SMYD3: variants seen among roughly 807,000 people sequenced by gnomAD.
SMYD3 encodes SET and MYND domain containing 3.
SMYD3 carries 36 observed loss-of-function variants against 57.7 expected under a neutral mutation model. The observed-to-expected ratio is 0.62, with a 90% CI of 0.48 to 0.82. The LOEUF (loss-of-function observed/expected upper bound fraction) is 0.82. Among genes scored for constraint, SMYD3 ranks in the 40% least tolerant of loss-of-function variants. The probability of loss-of-function intolerance (pLI) is 0.00; values close to 1 mark genes in which losing one functional copy is unlikely to be tolerated. For synonymous variants in SMYD3, 211 were observed against 195.0 expected (o/e 1.08, Z -0.68); for missense variants, 515 against 538.8 (o/e 0.96, Z 0.44).
At chr1:246,420,036 TAA>T (rs1205363262) in intron 1 of SMYD3, among the ~76,000 whole-genome samples, 1 of 152,080 alleles carries the variant, frequency 6.6e-6, no homozygotes, top group African/African-American at 2.4e-5. Context: ...CCGTCTCTAT[TAA>T]AAATATAAAA....
At chr1:246,243,327 T>C (rs1378225460) in intron 5 of SMYD3, among the ~76,000 whole-genome samples, 1 of 142,976 alleles carries the variant, frequency 7.0e-6, no homozygotes, top group Non-Finnish European at 1.5e-5. Flanking sequence ...GGTATATATA[T>C]ATTTTCTATG....
In SMYD3 at chr1:246,328,066, C is replaced by T. The variant is rs550542550; in HGVS notation, c.395-729G>A. On this transcript the variant is annotated intron_variant, in intron 4 of 11. Transcript: ENST00000490107. ...AAAATCAGCAGGGCGTGGTGGTGTG[C>T]GCCTGTAATCCCAGCTACTCGGGAG... Among the ~76,000 whole-genome samples the T allele has an allele frequency of 7.9e-5, 12 of 152,098 alleles. No homozygotes were observed. In the South Asian group the frequency reaches 1.0e-3, roughly 13 times the overall value.
intron 5 of SMYD3, among the ~76,000 whole-genome samples, chr1:246,258,910 T>C (rs945792702): frequency 2.0e-5 from 3 of 152,226 alleles, no homozygotes; most frequent in Non-Finnish European, 4.4e-5. Context: ...CTGTTTATTT[T>C]ATTAAATTAT....
At chr1:245,830,012 T>C (rs1036714572) in intron 10 of SMYD3, among the ~76,000 whole-genome samples, 13 of 152,104 alleles carry the variant, frequency 8.5e-5, no homozygotes, top group African/African-American at 3.1e-4. Context: ...TTGGGGGTGA[T>C]AAAAATGTTC....
intron 5 of SMYD3, among the ~76,000 whole-genome samples, chr1:246,207,042 C>A (rs950326488): frequency 6.6e-6 from 1 of 152,062 alleles, no homozygotes; most frequent in Non-Finnish European, 1.5e-5. Flanking sequence ...CCAGGGAACA[C>A]AATTCTATGC....
At chr1:246,447,331 T>G (rs1327366904) in intron 1 of SMYD3, among the ~76,000 whole-genome samples, 1 of 152,208 alleles carries the variant, frequency 6.6e-6, no homozygotes, top group South Asian at 2.1e-4. Flanking sequence ...AAATGTGCTA[T>G]GAGAAAAGAG....
intron 5 of SMYD3, among the ~76,000 whole-genome samples, chr1:245,968,201 T>TC (rs368105556): frequency 7.1e-6 from 1 of 140,604 alleles, no homozygotes; most frequent in Non-Finnish European, 1.5e-5. Flanking sequence ...AGCACTTTAA[T>TC]CCCCCCCTCA....
At chr1:246,210,577 G>A (rs2063069446) in intron 5 of SMYD3, among the ~76,000 whole-genome samples, 1 of 152,024 alleles carries the variant, frequency 6.6e-6, no homozygotes, top group South Asian at 2.1e-4. Flanking sequence ...GGGCGTGGTT[G>A]CGGGCACCTG....
intron 5 of SMYD3, among the ~76,000 whole-genome samples, chr1:246,059,972 C>T (rs1020709403): frequency 6.6e-6 from 1 of 151,996 alleles, no homozygotes; most frequent in Non-Finnish European, 1.5e-5. Flanking sequence ...CCAGAGACCA[C>T]TAAATATATT....
chr1:246,436,190 G>GAA (rs56349877), intron 1 of SMYD3, among the ~76,000 whole-genome samples: 159 of 141,406 alleles, frequency 1.1e-3, no homozygotes, highest in Admixed American at 1.5e-3. Context: ...TTTCTTATTT[G>GAA]AAAAAAAAAA....
intron 2 of SMYD3, among the ~76,000 whole-genome samples, chr1:246,347,712 C>T (rs979738661): frequency 1.3e-5 from 2 of 152,110 alleles, no homozygotes. Flanking sequence ...CTGGCCCTTC[C>T]ACCATGTGAT....
chr1:246,277,250 C>G (rs1332513874), intron 5 of SMYD3, among the ~76,000 whole-genome samples: 1 of 151,502 alleles, frequency 6.6e-6, no homozygotes, highest in Non-Finnish European at 1.5e-5. Context: ...GACCAATAAG[C>G]CTATATATAA....
intron 8 of SMYD3, among the ~76,000 whole-genome samples, chr1:245,895,445 C>T (rs531981636): frequency 3.9e-5 from 6 of 152,146 alleles, no homozygotes; most frequent in African/African-American, 1.4e-4. Context: ...TGGTTGGGCT[C>T]ATCATCCCAC....
intron 5 of SMYD3, among the ~76,000 whole-genome samples, chr1:246,130,847 A>T (rs1428502856): frequency 6.6e-6 from 1 of 152,172 alleles, no homozygotes; most frequent in African/African-American, 2.4e-5. Context: ...AAATCGTCAT[A>T]ATCATTTCAT....
chr1:245,977,455 G>C (rs2058476636), intron 5 of SMYD3, among the ~76,000 whole-genome samples: 1 of 152,148 alleles, frequency 6.6e-6, no homozygotes, highest in South Asian at 2.1e-4. Flanking sequence ...GAGGCAGGCA[G>C]ATCACTTGAG....
At chr1:246,172,662 T>C (rs2062361714) in intron 5 of SMYD3, among the ~76,000 whole-genome samples, 1 of 146,516 alleles carries the variant, frequency 6.8e-6, no homozygotes, top group African/African-American at 2.5e-5. Context: ...CTGTAGACTT[T>C]ATCAACACTA....
intron 5 of SMYD3, among the ~76,000 whole-genome samples, chr1:246,071,406 A>T (rs770599266): frequency 2.0e-5 from 3 of 152,200 alleles, no homozygotes. Flanking sequence ...GTTTTAAATT[A>T]TTTAAAATAA....
intron 5 of SMYD3, among the ~76,000 whole-genome samples, chr1:246,190,584 C>CAAAAA (rs11302731): frequency 9.5e-5 from 6 of 63,004 alleles, no homozygotes; most frequent in Non-Finnish European, 1.4e-4. Flanking sequence ...GACTCTGTCT[C>CAAAAA]AAAAAAAAAA....
chr1:246,176,284 G>A (rs931487732), intron 5 of SMYD3, among the ~76,000 whole-genome samples: 3 of 152,086 alleles, frequency 2.0e-5, no homozygotes, highest in African/African-American at 7.2e-5. Context: ...AGTACCAGTG[G>A]ATCCAGGCCA....
Sources: gnomAD v4.1 joint callset for allele counts (sites outside exome capture counted in the v4.1 genomes callset) on GRCh38, gnomAD v4.1.1 for gene constraint, MANE v1.5 for transcripts, NCBI Gene and HGNC (gene_info 2026-07-23, HGNC 2026-07-21) for gene names.